PRDM16: variants seen among roughly 807,000 people sequenced by gnomAD.
PRDM16 encodes histone-lysine N-methyltransferase PRDM16.
PRDM16 carries 23 observed loss-of-function variants against 110.6 expected under a neutral mutation model. The observed-to-expected ratio is 0.21, with a 90% CI of 0.15 to 0.29. PRDM16 has a LOEUF of 0.29. PRDM16 is among the 10% of genes least tolerant of loss of function. The pLI is 1.00. For synonymous variants in PRDM16, 799 were observed against 781.8 expected (o/e 1.02, Z -0.37); for missense variants, 1,615 against 1,794.3 (o/e 0.90, Z 1.81).
At chr1:3,279,795 G>C (rs1004748435) in intron 3 of PRDM16, among the ~76,000 whole-genome samples, 9 of 152,108 alleles carry the variant, frequency 5.9e-5, no homozygotes, top group African/African-American at 1.7e-4. Context: ...GAGCCTGCGG[G>C]GGGGTGGGGA....
At position 3,316,615 on chromosome 1, in the gene PRDM16, GAAACAGTGACACAGGGTAGGCAGA is replaced by G. The variant is rs1419234578; in HGVS notation, c.439-68522_439-68499del. 2.3e-4 allele frequency among the ~76,000 whole-genome samples: 34 copies of G among 148,912 alleles called. 1 individual carries two copies. In the South Asian group the frequency reaches 7.1e-3, roughly 31 times the overall value. On this transcript the variant is annotated intron_variant, in intron 3 of 16. Coordinates refer to ENST00000270722, the MANE Select transcript of PRDM16 (RefSeq NM_022114.4). ...GGAAACAGCGACACAGTGGAGCCAG[GAAACAGTGACACAGGGTAGGCAGA>G]AAACAGTGACACAGTGACACAGGGT...
intron 14 of PRDM16, 79 bp from the exon 15 acceptor site, chr1:3,430,793 C>A: frequency 6.6e-7 from 1 of 1,525,890 alleles, no homozygotes; most frequent in Non-Finnish European, 9.0e-7. Context: ...GGGGGCAGAG[C>A]GGAGTCACCA....
intron 3 of PRDM16, among the ~76,000 whole-genome samples, chr1:3,352,522 C>T (rs913284594): frequency 4.6e-5 from 7 of 152,196 alleles, no homozygotes; most frequent in Non-Finnish European, 8.8e-5. Flanking sequence ...CTTTCCCTTT[C>T]TTCTCCCTCC....
chr1:3,412,988 G>C (rs1256131862), intron 9 of PRDM16, among the ~76,000 whole-genome samples, 188 bp downstream of exon 9: 1 of 152,196 alleles, frequency 6.6e-6, no homozygotes. Context: ...TGGCTTGGCT[G>C]CTCCTAAGCT....
intron 1 of PRDM16, among the ~76,000 whole-genome samples, chr1:3,174,793 C>T (rs779451519): frequency 2.6e-5 from 4 of 152,156 alleles, no homozygotes; most frequent in African/African-American, 7.2e-5. Flanking sequence ...AATGACAATT[C>T]GGCTTCATCA....
At chr1:3,205,007 G>A (rs954655598) in intron 2 of PRDM16, among the ~76,000 whole-genome samples, 2 of 152,170 alleles carry the variant, frequency 1.3e-5, no homozygotes, top group African/African-American at 4.8e-5. Context: ...GGTAAAGAAG[G>A]GAAGGGGAAA....
chr1:3,203,437 G>T (rs1365996501), intron 2 of PRDM16, among the ~76,000 whole-genome samples: 2 of 152,190 alleles, frequency 1.3e-5, no homozygotes, highest in African/African-American at 4.8e-5. Context: ...GCCCGTATTA[G>T]GGCCGTAGGG....
intron 1 of PRDM16, among the ~76,000 whole-genome samples, chr1:3,153,986 T>G (rs1643819945): frequency 6.6e-6 from 1 of 152,222 alleles, no homozygotes; most frequent in African/African-American, 2.4e-5. Context: ...CCACAGCTTC[T>G]GAAGCAATTA....
intron 2 of PRDM16, among the ~76,000 whole-genome samples, chr1:3,188,626 G>A (rs1460395484): frequency 1.3e-5 from 2 of 152,216 alleles, no homozygotes; most frequent in South Asian, 2.1e-4. Flanking sequence ...GCCCTCAAAC[G>A]GTGCTCCCCG....
intron 3 of PRDM16, chr1:3,308,708 A>G (rs1283291339): frequency 6.6e-6 from 1 of 152,264 alleles, no homozygotes; most frequent in Non-Finnish European, 1.5e-5. Context: ...ACTCTGAGAA[A>G]GAAGCAAACA....
At chr1:3,431,355 A>G (rs988137760) in intron 15 of PRDM16, among the ~76,000 whole-genome samples, 1 of 144,182 alleles carries the variant, frequency 6.9e-6, no homozygotes, top group Non-Finnish European at 1.5e-5. Context: ...GTGGAGGGGA[A>G]GGCATTTCCC....
chr1:3,275,982 T>A (rs550370348), intron 3 of PRDM16, among the ~76,000 whole-genome samples: 11 of 152,324 alleles, frequency 7.2e-5, no homozygotes, highest in African/African-American at 2.6e-4. Flanking sequence ...AGCACACGCG[T>A]GCCTGCTGCG....
chr1:3,295,358 G>A (rs982930506), intron 3 of PRDM16, among the ~76,000 whole-genome samples: 1 of 151,972 alleles, frequency 6.6e-6, no homozygotes, highest in African/African-American at 2.4e-5. Flanking sequence ...GAGGGGACTG[G>A]GTGGCTCTCT....
At chr1:3,427,501 CT>C (rs1361321452) in intron 14 of PRDM16, among the ~76,000 whole-genome samples, 1 of 152,162 alleles carries the variant, frequency 6.6e-6, no homozygotes, top group Non-Finnish European at 1.5e-5. Flanking sequence ...AAGAAGCCCC[CT>C]GAGACCCCAG....
chr1:3,366,598 G>A (rs557062757), intron 3 of PRDM16, among the ~76,000 whole-genome samples: 1 of 152,148 alleles, frequency 6.6e-6, no homozygotes, highest in Non-Finnish European at 1.5e-5. Context: ...AGAATATTTG[G>A]ATAATCTTGA....
intron 1 of PRDM16, among the ~76,000 whole-genome samples, chr1:3,145,331 G>A (rs1240191301): frequency 6.6e-6 from 1 of 152,194 alleles, no homozygotes; most frequent in Non-Finnish European, 1.5e-5. Context: ...GCTCTTCAGG[G>A]GCCTGCAGCT....
intron 2 of PRDM16, among the ~76,000 whole-genome samples, chr1:3,186,912 C>T (rs958159668): frequency 2.0e-5 from 3 of 152,316 alleles, no homozygotes; most frequent in East Asian, 1.9e-4. Flanking sequence ...CCCCGGCTGC[C>T]GTCTTCCCCG....
chr1:3,249,027 G>A (rs1023859718), intron 3 of PRDM16, among the ~76,000 whole-genome samples: 11 of 152,318 alleles, frequency 7.2e-5, no homozygotes, highest in African/African-American at 2.6e-4. Flanking sequence ...AGGTCTAAAC[G>A]CAGCTGGGAC....
At chr1:3,073,280 C>T (rs945864312) in intron 1 of PRDM16, among the ~76,000 whole-genome samples, 1 of 152,198 alleles carries the variant, frequency 6.6e-6, no homozygotes, top group African/African-American at 2.4e-5. Flanking sequence ...GCTGTGGGCC[C>T]GATTAGCCCC....
Sources: gnomAD v4.1 joint callset for allele counts (sites outside exome capture counted in the v4.1 genomes callset) on GRCh38, gnomAD v4.1.1 for gene constraint, MANE v1.5 for transcripts, NCBI Gene and HGNC (gene_info 2026-07-23, HGNC 2026-07-21) for gene names.